The following PTPRG variants were observed in gnomAD, a reference collection of about 807,000 sequenced individuals.
PTPRG encodes receptor-type tyrosine-protein phosphatase gamma.
In PTPRG, 102 loss-of-function variants were observed where a neutral mutation model predicts 165.3. The observed-to-expected ratio is 0.62, with a 90% CI of 0.53 to 0.73. The LOEUF (loss-of-function observed/expected upper bound fraction) is 0.73, where lower values mean the gene tolerates loss of function less well. Ranked by LOEUF, PTPRG falls within the 30% of genes least tolerant of loss-of-function variation. PTPRG has a pLI of 0.00. For missense variants in PTPRG, 1,866 were observed against 1,861.4 expected (o/e 1.00, Z -0.05); for synonymous variants, 675 against 669.5 (o/e 1.01, Z -0.13).
intron 2 of PTPRG, among the ~76,000 whole-genome samples, chr3:61,865,644 G>A (rs1231202676): frequency 6.6e-6 from 1 of 152,148 alleles, no homozygotes; most frequent in Non-Finnish European, 1.5e-5. Flanking sequence ...TGCCGACAGG[G>A]CAGGTGGCAG....
chr3:62,171,316 G>A (rs1479130737), intron 8 of PTPRG, among the ~76,000 whole-genome samples: 1 of 152,130 alleles, frequency 6.6e-6, no homozygotes, highest in East Asian at 1.9e-4. Flanking sequence ...TTTCAGGTTT[G>A]GTTAGAGACT....
intron 2 of PTPRG, among the ~76,000 whole-genome samples, chr3:61,988,854 C>T (rs1020694448): frequency 4.6e-5 from 7 of 152,122 alleles, no homozygotes; most frequent in African/African-American, 1.7e-4. Flanking sequence ...GACAGGGAGG[C>T]AAATGCAGTG....
intron 28 of PTPRG, among the ~76,000 whole-genome samples, chr3:62,288,565 C>G (rs879257264): frequency 6.6e-6 from 1 of 151,370 alleles, no homozygotes; most frequent in Non-Finnish European, 1.5e-5. Flanking sequence ...CCCAGCTACT[C>G]GGGAGGCTGA....
At chr3:61,637,104 G>C (rs1327384447) in intron 1 of PTPRG, among the ~76,000 whole-genome samples, 1 of 152,160 alleles carries the variant, frequency 6.6e-6, no homozygotes, top group African/African-American at 2.4e-5. Flanking sequence ...CCATTGTTCT[G>C]TGTGGAGTTG....
chr3:61,667,664 G>A (rs2107052839), intron 1 of PTPRG, among the ~76,000 whole-genome samples: 1 of 152,202 alleles, frequency 6.6e-6, no homozygotes, highest in South Asian at 2.1e-4. Context: ...TGTCAGTCTT[G>A]CCTGGTGCTG....
At chr3:61,751,926 G>A (rs1200082297) in intron 2 of PTPRG, among the ~76,000 whole-genome samples, 5 of 152,074 alleles carry the variant, frequency 3.3e-5, no homozygotes, top group Non-Finnish European at 4.4e-5. Flanking sequence ...CCGGGAGGCG[G>A]AGCTTGCAGT....
intron 2 of PTPRG, among the ~76,000 whole-genome samples, chr3:61,759,337 T>G (rs1192232558): frequency 1.3e-5 from 2 of 152,196 alleles, no homozygotes; most frequent in African/African-American, 4.8e-5. Flanking sequence ...ATTCTCACTT[T>G]TCATTCATGT....
chr3:62,052,961 G>T (rs9845380), intron 4 of PTPRG, among the ~76,000 whole-genome samples: 4 of 152,102 alleles, frequency 2.6e-5, no homozygotes, highest in African/African-American at 4.8e-5. Flanking sequence ...GAGATACCCA[G>T]AATAGCCAGG....
chr3:61,932,600 C>T (rs2039388828), intron 2 of PTPRG, among the ~76,000 whole-genome samples: 1 of 152,194 alleles, frequency 6.6e-6, no homozygotes, highest in Non-Finnish European at 1.5e-5. Flanking sequence ...AGCAAGTCTT[C>T]AAGCTAGCAT....
At chr3:61,732,469 C>T (rs1231231305) in intron 1 of PTPRG, among the ~76,000 whole-genome samples, 1 of 151,762 alleles carries the variant, frequency 6.6e-6, no homozygotes, top group Non-Finnish European at 1.5e-5. Flanking sequence ...CCCAGCTACT[C>T]GGGAGGCTGA....
chr3:61,878,441 T>A lies in PTPRG; in HGVS notation c.191-111184T>A, dbSNP rs187690189. On this transcript the variant is annotated intron_variant, in intron 2 of 29. Transcript: ENST00000474889. ...TTGTTGTTGTTGTTTGTTTTTAGTTTGCATTTCTATTTTGGCTTGACTTGA... is the reference window on the plus strand; with the variant it reads ...TTGTTGTTGTTGTTTGTTTTTAGTTAGCATTTCTATTTTGGCTTGACTTGA... Among the ~76,000 whole-genome samples the A allele has an allele frequency of 2.2e-4, 33 of 152,286 alleles. 1 individual carries two copies. The East Asian group carries it at 3.1e-3, about 14-fold the overall frequency.
At chr3:62,036,542 G>C (rs922816684) in intron 4 of PTPRG, among the ~76,000 whole-genome samples, 3 of 152,156 alleles carry the variant, frequency 2.0e-5, no homozygotes, top group African/African-American at 7.2e-5. Context: ...ATCCACTCAA[G>C]AGTTAAACAA....
chr3:61,711,632 A>G (rs2031560968), intron 1 of PTPRG, among the ~76,000 whole-genome samples: 2 of 152,236 alleles, frequency 1.3e-5, no homozygotes, highest in Admixed American at 6.5e-5. Flanking sequence ...AGCAAAAGAA[A>G]CTATCAGAAT....
chr3:62,022,327 A>G (rs1419083445), intron 4 of PTPRG, among the ~76,000 whole-genome samples: 1 of 152,258 alleles, frequency 6.6e-6, no homozygotes, highest in Non-Finnish European at 1.5e-5. Context: ...GAACTAGATC[A>G]TAAAATGTCT....
At chr3:62,030,367 A>G (rs1196574046) in intron 4 of PTPRG, among the ~76,000 whole-genome samples, 1 of 152,184 alleles carries the variant, frequency 6.6e-6, no homozygotes, top group Non-Finnish European at 1.5e-5. Flanking sequence ...TAATTGAAAT[A>G]TTGCTTTAAG....
intron 1 of PTPRG, among the ~76,000 whole-genome samples, chr3:61,577,367 A>G (rs1700193094): frequency 6.6e-6 from 1 of 152,138 alleles, no homozygotes; most frequent in Non-Finnish European, 1.5e-5. Context: ...TGCTTAATGA[A>G]TGTGAAATGT....
At chr3:61,567,663 C>T (rs1231111310) in intron 1 of PTPRG, among the ~76,000 whole-genome samples, 3 of 33,724 alleles carry the variant, frequency 8.9e-5, no homozygotes, top group Non-Finnish European at 1.2e-4. Context: ...GAGACCCTGT[C>T]TCAAAAAAAA....
intron 6 of PTPRG, among the ~76,000 whole-genome samples, chr3:62,135,432 G>A (rs1413533321): frequency 2.0e-5 from 3 of 152,140 alleles, no homozygotes; most frequent in African/African-American, 7.2e-5. Context: ...ACAGAGATGT[G>A]TAAAGAGAAA....
intron 1 of PTPRG, among the ~76,000 whole-genome samples, chr3:61,657,202 T>C (rs576748753): frequency 5.9e-5 from 9 of 152,262 alleles, no homozygotes; most frequent in African/African-American, 2.2e-4. Flanking sequence ...AAGGCTTGTT[T>C]TGTTCAATTT....
Sources: allele counts gnomAD v4.1 joint callset (sites outside exome capture counted in the v4.1 genomes callset), GRCh38; gene constraint gnomAD v4.1.1; transcripts MANE v1.5; gene names NCBI Gene and HGNC (gene_info 2026-07-23, HGNC 2026-07-21).